Variants in LRRC7 observed in about 807,000 individuals in gnomAD.
The protein encoded by LRRC7 is leucine-rich repeat-containing protein 7.
A neutral mutation model predicts 175.7 loss-of-function variants in LRRC7; 23 were observed. The ratio of observed to expected loss-of-function variants is 0.13; its 90% confidence interval spans 0.09 to 0.19. The LOEUF (loss-of-function observed/expected upper bound fraction) is 0.19. Ranked by LOEUF, LRRC7 falls within the 10% of genes least tolerant of loss-of-function variation. The probability of loss-of-function intolerance (pLI) is 1.00; values close to 1 mark genes in which losing one functional copy is unlikely to be tolerated. For synonymous variants in LRRC7, 685 were observed against 680.9 expected, an observed-to-expected ratio of 1.01 and a Z score of -0.09; for missense variants, 1,354 against 1,904.7, an observed-to-expected ratio of 0.71 and a Z score of 5.38.
chr1:69,578,036 T>TA (rs752759404), intron 1 of LRRC7, among the ~76,000 whole-genome samples: 2 of 152,134 alleles, frequency 1.3e-5, no homozygotes, highest in Non-Finnish European at 2.9e-5. Flanking sequence ...TTTCACAACC[T>TA]ACTCATCTGA....
At chr1:69,595,398 G>A (rs994408178) in intron 1 of LRRC7, among the ~76,000 whole-genome samples, 9 of 152,128 alleles carry the variant, frequency 5.9e-5, no homozygotes, top group East Asian at 1.9e-4. Context: ...CCAGCCTGGC[G>A]ACAGAGACTC....
intron 7 of LRRC7, chr1:69,879,740 C>G (rs1386885264): frequency 6.6e-6 from 1 of 152,196 alleles, no homozygotes; most frequent in East Asian, 1.9e-4. Flanking sequence ...CTTCCTGGAG[C>G]GGGGACCACT....
chr1:69,639,504 C>T (rs1653881253), intron 1 of LRRC7, among the ~76,000 whole-genome samples: 2 of 151,904 alleles, frequency 1.3e-5, no homozygotes, highest in South Asian at 4.2e-4. Flanking sequence ...TTTTACTACC[C>T]AAACAAGCTC....
intron 7 of LRRC7, among the ~76,000 whole-genome samples, chr1:69,882,044 A>C (rs1686669360): frequency 1.3e-5 from 2 of 150,806 alleles, no homozygotes; most frequent in African/African-American, 2.4e-5. Context: ...AAAATAACCC[A>C]GTTTACAAAA....
At chr1:69,688,200 T>C (rs1661413710) in intron 2 of LRRC7, among the ~76,000 whole-genome samples, 1 of 152,224 alleles carries the variant, frequency 6.6e-6, no homozygotes, top group Admixed American at 6.5e-5. Context: ...GTAAATCAGC[T>C]AAAAGAAGTA....
intron 3 of LRRC7, among the ~76,000 whole-genome samples, chr1:69,780,028 C>G (rs1197153596): frequency 6.6e-6 from 1 of 152,190 alleles, no homozygotes; most frequent in African/African-American, 2.4e-5. Context: ...ACTCTGCTCA[C>G]TTCTACTAAC....
intron 8 of LRRC7, among the ~76,000 whole-genome samples, chr1:69,949,972 T>C (rs934080863): frequency 7.7e-6 from 1 of 129,732 alleles, no homozygotes; most frequent in Non-Finnish European, 1.7e-5. Context: ...TATGCATTTA[T>C]GGCCTCTTTA....
chr1:69,838,148 G>T (rs1271004167), intron 6 of LRRC7, 79 bp from the exon 7 acceptor site: 1 of 918,732 alleles, frequency 1.1e-6, no homozygotes, highest in Non-Finnish European at 1.8e-6. Context: ...ACCCTATAGT[G>T]CTACCAAATA....
At chr1:69,930,061 T>C (rs991609072) in intron 7 of LRRC7, among the ~76,000 whole-genome samples, 7 of 127,960 alleles carry the variant, frequency 5.5e-5, no homozygotes, top group Non-Finnish European at 9.4e-5. Flanking sequence ...ATTAAATCCT[T>C]ATATGAATTC....
intron 2 of LRRC7, among the ~76,000 whole-genome samples, chr1:69,717,853 G>GAAAGGAAAGAAAGAAA (rs1309359434): frequency 6.4e-5 from 1 of 15,628 alleles, no homozygotes; most frequent in African/African-American, 4.1e-4. Context: ...AAGAAAGAAA[G>GAAAGGAAAGAAAGAAA]GAAAGAAAGA....
intron 7 of LRRC7, among the ~76,000 whole-genome samples, chr1:69,875,715 T>TA (rs1033435219): frequency 2.0e-4 from 31 of 151,888 alleles, no homozygotes; most frequent in Admixed American, 9.2e-4. Flanking sequence ...ATATACTTTT[T>TA]AAAAAAAACA....
chr1:69,959,622 T>C (rs189408124), intron 8 of LRRC7, among the ~76,000 whole-genome samples: 2 of 152,214 alleles, frequency 1.3e-5, no homozygotes, highest in Non-Finnish European at 2.9e-5. Flanking sequence ...CTTGGAGCAG[T>C]AGCATGCACA....
chr1:69,765,491 A>C (rs558773539), intron 3 of LRRC7, among the ~76,000 whole-genome samples: 1 of 152,076 alleles, frequency 6.6e-6, no homozygotes, highest in Non-Finnish European at 1.5e-5. Context: ...TGGTCACCCA[A>C]GCTCTTTGTG....
At chr1:69,584,995 C>T (rs1364411283) in intron 1 of LRRC7, among the ~76,000 whole-genome samples, 1 of 152,186 alleles carries the variant, frequency 6.6e-6, no homozygotes, top group Non-Finnish European at 1.5e-5. Flanking sequence ...ATCATCTTCT[C>T]TTTTGGCACT....
chr1:70,034,671 TG>T (rs1329779250), intron 18 of LRRC7, among the ~76,000 whole-genome samples: 1 of 152,212 alleles, frequency 6.6e-6, no homozygotes, highest in South Asian at 2.1e-4. Flanking sequence ...AGGAGAATCC[TG>T]CTGCAGTGCT....
chr1:69,673,447 A>G (rs1659374562), intron 1 of LRRC7, among the ~76,000 whole-genome samples: 1 of 152,188 alleles, frequency 6.6e-6, no homozygotes, highest in African/African-American at 2.4e-5. Flanking sequence ...TGTGGTCATT[A>G]CATTTAATCT....
chr1:69,941,388 G>A (rs1001165319), intron 8 of LRRC7, among the ~76,000 whole-genome samples: 1 of 151,998 alleles, frequency 6.6e-6, no homozygotes, highest in Non-Finnish European at 1.5e-5. Context: ...TTACTATGTT[G>A]AGAATAGACG....
rs918390723 is a variant in LRRC7 at position 70,086,516 on chromosome 1, C to T, written c.4453-3211C>T. On this transcript the variant is annotated intron_variant, in intron 24 of 26. Transcript: ENST00000651989. ...AAACTGAGTCTGGCGTGGTGGCTCACGACTATAATCCAAGCACTTTGGAAG... is the reference window on the plus strand; with the variant it reads ...AAACTGAGTCTGGCGTGGTGGCTCATGACTATAATCCAAGCACTTTGGAAG... Among the ~76,000 whole-genome samples, 6 of 152,112 alleles carry T rather than the reference C, an allele frequency of 3.9e-5. No individual in the cohort carries two copies. The East Asian group carries it at 9.7e-4, about 25-fold the overall frequency.
intron 1 of LRRC7, among the ~76,000 whole-genome samples, chr1:69,644,196 A>G (rs1196873441): frequency 1.3e-5 from 2 of 152,074 alleles, no homozygotes; most frequent in Non-Finnish European, 2.9e-5. Context: ...TGATATTCAT[A>G]TCTTCTGTAC....
Sources: allele counts gnomAD v4.1 joint callset (sites outside exome capture counted in the v4.1 genomes callset), GRCh38; gene constraint gnomAD v4.1.1; transcripts MANE v1.5; gene names NCBI Gene and HGNC (gene_info 2026-07-23, HGNC 2026-07-21).